DLG2: variants seen among roughly 807,000 people sequenced by gnomAD.
DLG2 encodes discs large MAGUK scaffold protein 2.
In DLG2, 45 loss-of-function variants were observed where a neutral mutation model predicts 132.5. The observed-to-expected ratio is 0.34, with a 90% CI of 0.27 to 0.44. DLG2 has a LOEUF of 0.44. Among genes scored for constraint, DLG2 ranks in the 20% least tolerant of loss-of-function variants. DLG2 has a pLI of 1.00. For synonymous variants in DLG2, 424 were observed against 419.6 expected, an observed-to-expected ratio of 1.01 and a Z score of -0.13; for missense variants, 1,045 against 1,196.9, an observed-to-expected ratio of 0.87 and a Z score of 1.87.
intron 21 of DLG2, among the ~76,000 whole-genome samples, chr11:83,512,567 A>C (rs2095086967): frequency 6.6e-6 from 1 of 151,958 alleles, no homozygotes; most frequent in Non-Finnish European, 1.5e-5. Flanking sequence ...GTTTTAGGGT[A>C]CATGTGCACA....
At chr11:84,315,924 A>G (rs749074958) in intron 7 of DLG2, among the ~76,000 whole-genome samples, 1 of 152,150 alleles carries the variant, frequency 6.6e-6, no homozygotes, top group Non-Finnish European at 1.5e-5. Context: ...TAAAATTGAG[A>G]TTGAATTTTT....
chr11:83,504,255 C>T (rs1193093502), intron 21 of DLG2, among the ~76,000 whole-genome samples: 1 of 152,156 alleles, frequency 6.6e-6, no homozygotes, highest in Non-Finnish European at 1.5e-5. Flanking sequence ...CAGCAAGCAC[C>T]TCAGCAGGTC....
At chr11:84,843,130 A>T (rs1446740740) in intron 6 of DLG2, among the ~76,000 whole-genome samples, 1 of 151,974 alleles carries the variant, frequency 6.6e-6, no homozygotes, top group Non-Finnish European at 1.5e-5. Flanking sequence ...ACATCTTTAA[A>T]AGAGGGATAG....
chr11:84,236,878 C>A (rs972778165), intron 8 of DLG2, among the ~76,000 whole-genome samples: 4 of 151,746 alleles, frequency 2.6e-5, no homozygotes, highest in Non-Finnish European at 5.9e-5. Flanking sequence ...CAGACTCAGA[C>A]CCATTAAACA....
chr11:85,369,468 C>CT (rs923324673), intron 3 of DLG2, among the ~76,000 whole-genome samples: 6 of 151,394 alleles, frequency 4.0e-5, no homozygotes, highest in East Asian at 3.9e-4. Flanking sequence ...TAACCTTTAA[C>CT]TTTTTTTTTC....
At chr11:83,760,122 C>A (rs966890457) in intron 18 of DLG2, among the ~76,000 whole-genome samples, 6 of 152,180 alleles carry the variant, frequency 3.9e-5, no homozygotes, top group African/African-American at 1.4e-4. Context: ...ATCCAAAAGA[C>A]CCTCAGCTGA....
intron 6 of DLG2, among the ~76,000 whole-genome samples, chr11:84,681,768 T>C (rs560882821): frequency 3.9e-5 from 6 of 152,150 alleles, no homozygotes; most frequent in African/African-American, 1.4e-4. Context: ...GACTCAGTGA[T>C]TGTTGCTGCT....
At chr11:83,876,462 AGC>A (rs1034864997) in intron 15 of DLG2, among the ~76,000 whole-genome samples, 5 of 152,152 alleles carry the variant, frequency 3.3e-5, no homozygotes, top group African/African-American at 7.2e-5. Context: ...TAAATTTACA[AGC>A]ATATAAAATA....
intron 15 of DLG2, among the ~76,000 whole-genome samples, chr11:83,875,417 G>T (rs914684069): frequency 6.6e-6 from 1 of 152,130 alleles, no homozygotes; most frequent in Non-Finnish European, 1.5e-5. Context: ...GGATTAGAAA[G>T]TTGCTCAGAG....
intron 4 of DLG2, among the ~76,000 whole-genome samples, chr11:85,181,517 T>C (rs1207672014): frequency 2.0e-5 from 3 of 151,752 alleles, no homozygotes; most frequent in Non-Finnish European, 4.4e-5. Flanking sequence ...AGGTGTCATG[T>C]CATATAATTG....
chr11:84,365,354 T>G (rs1291151289), intron 7 of DLG2, among the ~76,000 whole-genome samples: 1 of 152,170 alleles, frequency 6.6e-6, no homozygotes, highest in African/African-American at 2.4e-5. Flanking sequence ...GGATCGGTGG[T>G]GATATCCCCT....
intron 5 of DLG2, among the ~76,000 whole-genome samples, chr11:85,133,986 C>A (rs1041045209): frequency 4.0e-5 from 6 of 151,656 alleles, no homozygotes; most frequent in Non-Finnish European, 8.8e-5. Context: ...AAAACAGACA[C>A]AGGAGCTCAG....
chr11:85,312,172 G>C (rs2080356252), intron 3 of DLG2, among the ~76,000 whole-genome samples: 1 of 151,792 alleles, frequency 6.6e-6, no homozygotes, highest in Non-Finnish European at 1.5e-5. Flanking sequence ...TCACATGTAA[G>C]ATTAGGGCTT....
rs903693173 is a variant in DLG2 at position 83,459,073 on chromosome 11, A to G, written c.*745T>C. On this transcript the variant is annotated 3_prime_UTR_variant, in exon 28 of 28. Coordinates refer to ENST00000376104, the MANE Select transcript of DLG2 (RefSeq NM_001142699.3). ...ATTTCACAAAACTTTTTTAACCTATAGAAATTTGTTTCTATACATTTAATA... is the reference window on the plus strand; with the variant it reads ...ATTTCACAAAACTTTTTTAACCTATGGAAATTTGTTTCTATACATTTAATA... 1.3e-5 allele frequency: 2 copies of G among 152,524 alleles called. No homozygotes were observed. The highest frequency in any genetic ancestry group is 4.1e-4 in the South Asian group (2 of 4,834). 9.4% of individuals were successfully genotyped at this position (152,524 alleles called of 1,614,324 possible).
At position 84,304,769 on chromosome 11, in the gene DLG2, A is replaced by G. The variant is rs148083922; in HGVS notation, c.520-53478T>C. On this transcript the variant is annotated intron_variant, in intron 7 of 27. Transcript: ENST00000376104. ...TATTAAAAATAATTCTTAGCTCTGG[A>G]GCTACACAAAACGAAGTATCAGGCT... is the stretch of plus-strand genomic sequence containing the variant. Among the ~76,000 whole-genome samples the G allele has an allele frequency of 5.1e-4, 78 of 152,290 alleles. No individual in the cohort carries two copies. In the East Asian group the frequency reaches 0.014, roughly 27 times the overall value.
At chr11:84,927,146 T>G (rs2093006458) in intron 6 of DLG2, among the ~76,000 whole-genome samples, 1 of 152,004 alleles carries the variant, frequency 6.6e-6, no homozygotes, top group Non-Finnish European at 1.5e-5. Context: ...AAAAAAAGTT[T>G]TCAATATTAA....
At chr11:84,465,289 A>C (rs2099091200) in intron 7 of DLG2, among the ~76,000 whole-genome samples, 1 of 151,270 alleles carries the variant, frequency 6.6e-6, no homozygotes, top group African/African-American at 2.4e-5. Flanking sequence ...TTAACCGGGA[A>C]AGTTGCCAGG....
At position 84,548,597 on chromosome 11, in the gene DLG2, C is replaced by A. The variant is rs576020212; in HGVS notation, c.358-13866G>T. Among the ~76,000 whole-genome samples, 5 of 152,294 alleles carry A rather than the reference C, an allele frequency of 3.3e-5. No homozygotes were observed. In the South Asian group the frequency reaches 1.0e-3, roughly 32 times the overall value. On this transcript the variant is annotated intron_variant, in intron 6 of 27. Transcript: ENST00000376104. ...GTTTCCAGCTTCATCCATGTCCCTA[C>A]AAAGGACATGAACTCAACATTTTTA...
intron 7 of DLG2, among the ~76,000 whole-genome samples, chr11:84,360,284 G>T (rs917256235): frequency 1.3e-5 from 2 of 151,732 alleles, no homozygotes; most frequent in African/African-American, 4.8e-5. Flanking sequence ...AAGGTTTGAA[G>T]AAGACAATCA....
Sources: gnomAD v4.1 joint callset for allele counts (sites outside exome capture counted in the v4.1 genomes callset) on GRCh38, gnomAD v4.1.1 for gene constraint, MANE v1.5 for transcripts, NCBI Gene and HGNC (gene_info 2026-07-23, HGNC 2026-07-21) for gene names.